MEGF10: variants seen among roughly 807,000 people sequenced by gnomAD.
MEGF10 encodes multiple EGF like domains 10.
MEGF10 carries 86 observed loss-of-function variants against 147.5 expected under a neutral mutation model. That is an observed-to-expected ratio of 0.58 (90% CI 0.49 to 0.70). The LOEUF (loss-of-function observed/expected upper bound fraction) is 0.70. MEGF10 is among the 30% of genes least tolerant of loss of function. The pLI is 0.00. For synonymous variants in MEGF10, 478 were observed against 525.5 expected, an observed-to-expected ratio of 0.91 and a Z score of 1.24; for missense variants, 1,329 against 1,487.3, an observed-to-expected ratio of 0.89 and a Z score of 1.75.
intron 9 of MEGF10, among the ~76,000 whole-genome samples, chr5:127,413,541 C>T (rs1194792882): frequency 6.6e-6 from 1 of 152,086 alleles, no homozygotes; most frequent in Non-Finnish European, 1.5e-5. Context: ...TAAACAGTTT[C>T]CTGGAATATA....
chr5:127,341,720 A>G lies in MEGF10; in HGVS notation c.319+1090A>G, dbSNP rs1761691116. On this transcript the variant is annotated intron_variant, in intron 4 of 24. Transcript: ENST00000503335. ...TTAGAATATGTAACTAAGCAAAAAG[A>G]AGAAAATAAAAATACGTTGTGAATA... 1.3e-5 allele frequency among the ~76,000 whole-genome samples: 2 copies of G among 152,200 alleles called. 1 individual carries two copies. The highest frequency in any genetic ancestry group is 4.1e-4 in the South Asian group (2 of 4,824).
chr5:127,456,657 A>G (rs17673685), intron 24 of MEGF10, among the ~76,000 whole-genome samples: 16,519 of 152,226 alleles, frequency 0.11, 984 homozygotes, highest in Non-Finnish European at 0.13. Flanking sequence ...AGTCAGTAAC[A>G]ATTCTCCTTT....
At chr5:127,426,199 C>T (rs1765206265) in intron 13 of MEGF10, among the ~76,000 whole-genome samples, 1 of 152,218 alleles carries the variant, frequency 6.6e-6, no homozygotes, top group African/African-American at 2.4e-5. Flanking sequence ...TACCCACATC[C>T]ACCATTTCTT....
the MEGF10 span, among the ~76,000 whole-genome samples, chr5:127,282,068 GC>G: frequency 1.3e-4 from 20 of 152,258 alleles, no homozygotes; most frequent in African/African-American, 4.8e-4. Context: ...AAATCTGCCT[GC>G]CCCACTTCAC....
At chr5:127,372,362 G>A (rs1345957499) in intron 5 of MEGF10, among the ~76,000 whole-genome samples, 1 of 152,164 alleles carries the variant, frequency 6.6e-6, no homozygotes, top group Non-Finnish European at 1.5e-5. Context: ...ATAGTACAGA[G>A]CTCCTGTGTG....
At chr5:127,314,088 A>G (rs956313949) in intron 1 of MEGF10, among the ~76,000 whole-genome samples, 4 of 152,132 alleles carry the variant, frequency 2.6e-5, no homozygotes. Flanking sequence ...ATTGTTTCTC[A>G]GTTACCCAGG....
intron 19 of MEGF10, among the ~76,000 whole-genome samples, chr5:127,443,430 T>C (rs1254740566): frequency 2.0e-5 from 3 of 152,220 alleles, no homozygotes; most frequent in Non-Finnish European, 4.4e-5. Flanking sequence ...ACTGGGTCTA[T>C]GATTTTTTTT....
chr5:127,344,970 G>A (rs1761828052), intron 4 of MEGF10, among the ~76,000 whole-genome samples: 1 of 152,208 alleles, frequency 6.6e-6, no homozygotes, highest in African/African-American at 2.4e-5. Flanking sequence ...CTTCTCTGTA[G>A]TGTCAAGGTT....
At chr5:127,309,067 A>G (rs1760143174) in intron 1 of MEGF10, among the ~76,000 whole-genome samples, 1 of 152,080 alleles carries the variant, frequency 6.6e-6, no homozygotes, top group South Asian at 2.1e-4. Context: ...CACTGTTGTT[A>G]TTATGTTTTG....
At chr5:127,334,897 T>C (rs1313885022) in intron 2 of MEGF10, among the ~76,000 whole-genome samples, 2 of 152,132 alleles carry the variant, frequency 1.3e-5, no homozygotes, top group South Asian at 2.1e-4. Context: ...AGTAACAAGA[T>C]AATTTAGGCA....
the MEGF10 span, among the ~76,000 whole-genome samples, chr5:127,279,180 T>C: frequency 6.6e-6 from 1 of 152,180 alleles, no homozygotes; most frequent in Admixed American, 6.5e-5. Flanking sequence ...AGACTTAAAA[T>C]GTTGAGGAAC....
upstream of MEGF10, among the ~76,000 whole-genome samples, chr5:127,288,674 A>C (rs955360400): frequency 3.3e-5 from 5 of 152,228 alleles, no homozygotes; most frequent in Non-Finnish European, 7.4e-5. Flanking sequence ...AAAGCAGTTC[A>C]TCTTTCTATA....
chr5:127,317,077 T>C (rs1233029192), intron 1 of MEGF10, among the ~76,000 whole-genome samples: 30 of 152,220 alleles, frequency 2.0e-4, no homozygotes, highest in Admixed American at 2.0e-3. Context: ...TGTTGAGTGA[T>C]GAGGCTGGAC....
rs1764927134 is a variant in MEGF10 at position 127,419,941 on chromosome 5, G to C, written c.1427-103G>C. On this transcript the variant is annotated intron_variant, in intron 11 of 24. Coordinates refer to ENST00000503335, the MANE Select transcript of MEGF10 (RefSeq NM_001256545.2). ...TTCTCTGCTGCTGTGGCTGGGGCTT[G>C]CATCTCCAAGGCGTTTCTAAAGAGA... The C allele has an allele frequency of 3.0e-6, 4 of 1,323,610 alleles. No homozygotes were observed. The East Asian group carries it at 7.2e-5, about 24-fold the overall frequency. The allele number at this position is 1,323,610 out of a possible 1,614,324, so 82.0% of individuals were successfully genotyped here.
chr5:127,440,900 A>T, intron 18 of MEGF10, 33 bp downstream of exon 18: 1 of 1,602,800 alleles, frequency 6.2e-7, no homozygotes, highest in Non-Finnish European at 8.5e-7. Flanking sequence ...ACTGGGTGGT[A>T]TTTTTTTCCT....
chr5:127,282,363 G>T, the MEGF10 span, among the ~76,000 whole-genome samples: 1 of 152,180 alleles, frequency 6.6e-6, no homozygotes, highest in Non-Finnish European at 1.5e-5. Flanking sequence ...GTTTCTGGTG[G>T]TGTCGAAGTT....
chr5:127,279,034 A>G, the MEGF10 span, among the ~76,000 whole-genome samples: 1 of 152,268 alleles, frequency 6.6e-6, no homozygotes, highest in Non-Finnish European at 1.5e-5. Flanking sequence ...GTTTGTGGAG[A>G]GTTGGACTGA....
upstream of MEGF10, among the ~76,000 whole-genome samples, chr5:127,289,757 G>A (rs1292762838): frequency 6.6e-6 from 1 of 152,124 alleles, no homozygotes; most frequent in Non-Finnish European, 1.5e-5. Flanking sequence ...GTAGGGACTC[G>A]AACGCTCTTG....
At chr5:127,273,290 G>A in the MEGF10 span, among the ~76,000 whole-genome samples, 7,632 of 152,278 alleles carry the variant, frequency 0.05, 319 homozygotes, top group African/African-American at 0.11. Context: ...GGCCAGGGGT[G>A]GGGGTTCCCT....
Sources: allele counts gnomAD v4.1 joint callset (sites outside exome capture counted in the v4.1 genomes callset), GRCh38; gene constraint gnomAD v4.1.1; transcripts MANE v1.5; gene names NCBI Gene and HGNC (gene_info 2026-07-23, HGNC 2026-07-21).